Variants in GRIN3A observed in about 807,000 individuals in gnomAD.
GRIN3A encodes the protein glutamate receptor ionotropic, NMDA 3A.
A neutral mutation model predicts 92.4 loss-of-function variants in GRIN3A; 47 were observed. The observed-to-expected ratio is 0.51, with a 90% CI of 0.40 to 0.65. The LOEUF is 0.65. Among genes scored for constraint, GRIN3A ranks in the 30% least tolerant of loss-of-function variants. The probability of loss-of-function intolerance (pLI) is 0.00; values close to 1 mark genes in which losing one functional copy is unlikely to be tolerated. For synonymous variants in GRIN3A, 527 were observed against 540.6 expected (o/e 0.97, Z 0.35); for missense variants, 1,324 against 1,393.1 (o/e 0.95, Z 0.79).
intron 6 of GRIN3A, among the ~76,000 whole-genome samples, chr9:101,608,128 A>G (rs1828310706): frequency 6.6e-6 from 1 of 152,166 alleles, no homozygotes; most frequent in South Asian, 2.1e-4. Context: ...ACAGCCGACC[A>G]CCATCCCTGA....
At chr9:101,580,827 G>A (rs1214159333) in intron 6 of GRIN3A, among the ~76,000 whole-genome samples, 1 of 152,194 alleles carries the variant, frequency 6.6e-6, no homozygotes, top group South Asian at 2.1e-4. Context: ...CAGCTCCAAA[G>A]CCTGGGCTCT....
At chr9:101,629,187 C>T (rs1419225074) in intron 3 of GRIN3A, among the ~76,000 whole-genome samples, 1 of 151,824 alleles carries the variant, frequency 6.6e-6, no homozygotes, top group African/African-American at 2.4e-5. Flanking sequence ...GCTCATATGG[C>T]AAGTGGAAAA....
At chr9:101,616,374 C>T (rs1828453945) in intron 5 of GRIN3A, among the ~76,000 whole-genome samples, 1 of 152,090 alleles carries the variant, frequency 6.6e-6, no homozygotes, top group Non-Finnish European at 1.5e-5. Flanking sequence ...TCAAAAGCTA[C>T]CCATCCAAAC....
At chr9:101,731,899 T>C (rs1215706715) in intron 1 of GRIN3A, among the ~76,000 whole-genome samples, 1 of 152,218 alleles carries the variant, frequency 6.6e-6, no homozygotes, top group Non-Finnish European at 1.5e-5. Context: ...TCTATGAGTT[T>C]GTCATTCAAA....
Position 101,670,285 on chromosome 9 carries a change from A to G in GRIN3A, c.2127T>C (p.Asn709=), listed in dbSNP as rs1829299441. Residue 709 remains asparagine, a synonymous_variant, in exon 3 of 9, where the codon AAT becomes AAC. Transcript: ENST00000361820. ...AAGAAAAGGAGAAGACTTTACTTCT[A>G]TTTCGCCCCTTGGGAGTCAAACCAA... ...SPFGLTPKGR[N]RSKVFSFSSA... 1.2e-6 allele frequency: 2 copies of G among 1,614,032 alleles called. No homozygotes were observed.
intron 3 of GRIN3A, among the ~76,000 whole-genome samples, chr9:101,658,398 G>C (rs13285223): frequency 6.6e-6 from 1 of 151,840 alleles, no homozygotes; most frequent in Non-Finnish European, 1.5e-5. Flanking sequence ...CCTTTAGGCT[G>C]ATGGTTAATC....
intron 6 of GRIN3A, among the ~76,000 whole-genome samples, chr9:101,588,700 C>T (rs1186545110): frequency 6.6e-6 from 1 of 152,114 alleles, no homozygotes; most frequent in Non-Finnish European, 1.5e-5. Flanking sequence ...CATATGCACA[C>T]ATATTCTTCA....
At chr9:101,603,599 T>C (rs1358786264) in intron 6 of GRIN3A, among the ~76,000 whole-genome samples, 2 of 152,136 alleles carry the variant, frequency 1.3e-5, no homozygotes, top group Non-Finnish European at 2.9e-5. Flanking sequence ...GTCCCTGCCT[T>C]TGAGGAGGTG....
intron 3 of GRIN3A, among the ~76,000 whole-genome samples, chr9:101,664,194 C>T (rs1394233316): frequency 6.6e-6 from 1 of 151,958 alleles, no homozygotes; most frequent in African/African-American, 2.4e-5. Flanking sequence ...TTTCTATCCA[C>T]TTGTCAATCA....
At chr9:101,709,881 A>G (rs1829858360) in intron 1 of GRIN3A, among the ~76,000 whole-genome samples, 1 of 152,224 alleles carries the variant, frequency 6.6e-6, no homozygotes, top group Non-Finnish European at 1.5e-5. Context: ...TCAGTTATGA[A>G]AGACTCAGAG....
At position 101,670,529 on chromosome 9, in the gene GRIN3A, G is replaced by A. The variant is rs1240830558; in HGVS notation, c.1883C>T (p.Ala628Val). The part of the protein sequence containing the change: ...GDLLRGTAHM[A>V]VTSFSINTAR... ...AGTATTGATGCTAAAGGAAGTGACT[G>A]CCATGTGGGCAGTCCCTCTCAGGAG... Residue 628 changes from alanine to valine, a missense_variant, in exon 3 of 9, where the codon GCA becomes GTA. Coordinates refer to ENST00000361820, the MANE Select transcript of GRIN3A (RefSeq NM_133445.3). 6.2e-7 allele frequency: 1 copy of A among 1,613,984 alleles called. No homozygotes were observed. The highest frequency in any genetic ancestry group is 2.2e-5 in the East Asian group (1 of 44,844).
At chr9:101,700,033 T>C (rs1037377801) in intron 1 of GRIN3A, among the ~76,000 whole-genome samples, 1 of 152,174 alleles carries the variant, frequency 6.6e-6, no homozygotes, top group African/African-American at 2.4e-5. Flanking sequence ...TACCTGTCTC[T>C]CTTCATCTTC....
intron 8 of GRIN3A, among the ~76,000 whole-genome samples, chr9:101,577,461 G>A (rs1827839680): frequency 6.6e-6 from 1 of 152,098 alleles, no homozygotes; most frequent in African/African-American, 2.4e-5. Context: ...TTACAAATGA[G>A]GAACTTGAGG....
intron 6 of GRIN3A, among the ~76,000 whole-genome samples, chr9:101,609,069 T>C (rs2118838852): frequency 6.6e-6 from 1 of 152,316 alleles, no homozygotes; most frequent in East Asian, 1.9e-4. Flanking sequence ...CCTGCTTTTG[T>C]TTAGGCCTTC....
intron 5 of GRIN3A, among the ~76,000 whole-genome samples, chr9:101,614,846 T>C (rs1050237662): frequency 1.3e-5 from 2 of 151,918 alleles, no homozygotes; most frequent in African/African-American, 4.8e-5. Flanking sequence ...CTTGAACTCC[T>C]GGAGTCAACC....
intron 4 of GRIN3A, among the ~76,000 whole-genome samples, chr9:101,624,210 TTTTTTTTA>T (rs1034117880): frequency 2.6e-5 from 4 of 151,594 alleles, no homozygotes; most frequent in Admixed American, 6.6e-5. Flanking sequence ...TTTTTAAAAA[TTTTTTTTA>T]TTTTTTTATT....
chr9:101,713,356 A>G (rs1208717034), intron 1 of GRIN3A, among the ~76,000 whole-genome samples: 1 of 152,212 alleles, frequency 6.6e-6, no homozygotes, highest in Non-Finnish European at 1.5e-5. Flanking sequence ...TGATTGGTTC[A>G]GATCAGTGAT....
At chr9:101,703,293 C>A (rs1294389019) in intron 1 of GRIN3A, among the ~76,000 whole-genome samples, 1 of 152,202 alleles carries the variant, frequency 6.6e-6, no homozygotes, top group Admixed American at 6.5e-5. Context: ...GAGGTTCAAG[C>A]TAGTTCCTGT....
Position 101,573,499 on chromosome 9 carries a change from G to T in GRIN3A, c.3023C>A (p.Pro1008His). 1 of 1,613,518 alleles carries T rather than the reference G, an allele frequency of 6.2e-7. No homozygotes were observed. Among genetic ancestry groups the T allele is most frequent in the Non-Finnish European group, 8.5e-7 (1 of 1,179,572 alleles). ...KRVEKRSNVGPRQLTVWNTSN... is the reference protein window; with the variant it reads ...KRVEKRSNVGHRQLTVWNTSN... ...AGTATTCCATACGGTAAGCTGACGG[G>T]GTCCCACATTAGACCTAGGAAACAG... The change falls in exon 9 of 9, where the codon CCC becomes CAC. Residue 1008 changes from proline (P) to histidine (H), a missense_variant. Coordinates refer to ENST00000361820, the MANE Select transcript of GRIN3A (RefSeq NM_133445.3).
Sources: allele counts gnomAD v4.1 joint callset (sites outside exome capture counted in the v4.1 genomes callset), GRCh38; gene constraint gnomAD v4.1.1; transcripts MANE v1.5; gene names NCBI Gene and HGNC (gene_info 2026-07-23, HGNC 2026-07-21).